The following DRC11 variants were observed in gnomAD, a reference collection of about 807,000 sequenced individuals.
DRC11 encodes the protein dynein regulatory complex subunit 11.
the DRC11 span, among the ~76,000 whole-genome samples, chr2:236,456,052 G>A: frequency 6.6e-6 from 1 of 152,160 alleles, no homozygotes; most frequent in African/African-American, 2.4e-5. This position sits in a 1 kb window ranked among gnomAD's most constrained non-coding sequence, Gnocchi z 5.4. Context: ...GCTGTGTACA[G>A]CTGTGAATAC....
the DRC11 span, among the ~76,000 whole-genome samples, chr2:236,437,416 C>A: frequency 6.6e-6 from 1 of 151,346 alleles, no homozygotes; most frequent in African/African-American, 2.4e-5. Flanking sequence ...GTGCATGTAT[C>A]TTTATAGCAG....
the DRC11 span, among the ~76,000 whole-genome samples, chr2:236,387,130 G>A: frequency 4.0e-5 from 6 of 151,784 alleles, no homozygotes; most frequent in Admixed American, 6.6e-5. Flanking sequence ...TGAAAAAAAT[G>A]TATATTCTGT....
At chr2:236,399,573 C>T in the DRC11 span, 1 of 1,099,370 alleles carries the variant, frequency 9.1e-7, no homozygotes, top group Non-Finnish European at 1.4e-6. This position sits in a 1 kb window ranked among gnomAD's most constrained non-coding sequence, Gnocchi z 7.0. Flanking sequence ...TGACGAGGGT[C>T]CATGCCGCGC....
At chr2:236,369,166 C>T in the DRC11 span, 5 of 152,192 alleles carry the variant, frequency 3.3e-5, no homozygotes, top group East Asian at 9.6e-4. The surrounding 1 kb of genome is among the most constrained non-coding windows in gnomAD (Gnocchi z 4.5). Context: ...TCCTGCAGAG[C>T]TTCGGATGCT....
the DRC11 span, chr2:236,493,721 A>T: frequency 1.4e-6 from 2 of 1,467,122 alleles, no homozygotes; most frequent in Non-Finnish European, 1.8e-6. Context: ...CAGAAAAAGG[A>T]AGTTACACAG....
At chr2:236,391,576 A>G in the DRC11 span, 76 of 195,152 alleles carry the variant, frequency 3.9e-4, no homozygotes, top group African/African-American at 1.6e-3. The surrounding 1 kb of genome is among the most constrained non-coding windows in gnomAD (Gnocchi z 4.5). Flanking sequence ...AATTCATCCA[A>G]TTCCTTTCCC....
chr2:236,363,764 G>C, the DRC11 span: 1 of 1,576,754 alleles, frequency 6.3e-7, no homozygotes, highest in Non-Finnish European at 8.7e-7. This position sits in a 1 kb window ranked among gnomAD's most constrained non-coding sequence, Gnocchi z 5.6. Flanking sequence ...TGGAAACCAA[G>C]AAATGTAATC....
the DRC11 span, among the ~76,000 whole-genome samples, chr2:236,360,365 T>C: frequency 6.6e-6 from 1 of 152,190 alleles, no homozygotes; most frequent in Admixed American, 6.6e-5. This position sits in a 1 kb window ranked among gnomAD's most constrained non-coding sequence, Gnocchi z 5.8. Flanking sequence ...TTGTAAGGAC[T>C]GAGTGAGTTA....
At chr2:236,474,192 A>G in the DRC11 span, among the ~76,000 whole-genome samples, 2 of 152,304 alleles carry the variant, frequency 1.3e-5, no homozygotes, top group African/African-American at 4.8e-5. Context: ...TAGAATATGT[A>G]ATGCCAAGTG....
the DRC11 span, among the ~76,000 whole-genome samples, chr2:236,349,247 A>G: frequency 1.3e-5 from 2 of 152,334 alleles, no homozygotes; most frequent in Admixed American, 6.5e-5. This position sits in a 1 kb window ranked among gnomAD's most constrained non-coding sequence, Gnocchi z 5.5. Flanking sequence ...GGAGGGGGCA[A>G]GCTCCAAGGG....
the DRC11 span, among the ~76,000 whole-genome samples, chr2:236,337,816 A>G: frequency 6.6e-6 from 1 of 152,084 alleles, no homozygotes; most frequent in African/African-American, 2.4e-5. This position sits in a 1 kb window ranked among gnomAD's most constrained non-coding sequence, Gnocchi z 4.9. Context: ...GGAAGAAAAA[A>G]AAAAAAACCC....
At chr2:236,392,531 T>A in the DRC11 span, 1 of 406,142 alleles carries the variant, frequency 2.5e-6, no homozygotes, top group Non-Finnish European at 4.3e-6. The surrounding 1 kb of genome is among the most constrained non-coding windows in gnomAD (Gnocchi z 5.1). Flanking sequence ...ATGAGATTCA[T>A]ATATGTGCTT....
At chr2:236,459,588 C>CGT in the DRC11 span, among the ~76,000 whole-genome samples, 424 of 138,544 alleles carry the variant, frequency 3.1e-3, 7 homozygotes, top group African/African-American at 0.011. Context: ...TACGTATATA[C>CGT]GTATACGTAT....
At chr2:236,357,200 A>G in the DRC11 span, among the ~76,000 whole-genome samples, 3 of 109,680 alleles carry the variant, frequency 2.7e-5, 1 homozygote, top group Admixed American at 3.3e-4. Flanking sequence ...TATATTATAA[A>G]TTATATTCAT....
the DRC11 span, among the ~76,000 whole-genome samples, chr2:236,339,753 T>C: frequency 6.6e-6 from 1 of 152,240 alleles, no homozygotes; most frequent in Non-Finnish European, 1.5e-5. Context: ...TCTGATCCAT[T>C]GATCTATGTC....
the DRC11 span, among the ~76,000 whole-genome samples, chr2:236,348,219 T>C: frequency 3.9e-5 from 6 of 152,206 alleles, no homozygotes; most frequent in East Asian, 1.2e-3. The surrounding 1 kb of genome is among the most constrained non-coding windows in gnomAD (Gnocchi z 7.4). Context: ...GTCTCTGAGC[T>C]GGCAATCCGG....
chr2:236,420,600 A>G, the DRC11 span, among the ~76,000 whole-genome samples: 1 of 152,070 alleles, frequency 6.6e-6, no homozygotes, highest in Non-Finnish European at 1.5e-5. The surrounding 1 kb of genome is among the most constrained non-coding windows in gnomAD (Gnocchi z 4.8). Flanking sequence ...TGCAAAAATG[A>G]TCTTTTCCCA....
chr2:236,460,824 G>A, the DRC11 span, among the ~76,000 whole-genome samples: 103 of 152,092 alleles, frequency 6.8e-4, no homozygotes, highest in Non-Finnish European at 1.3e-3. This position sits in a 1 kb window ranked among gnomAD's most constrained non-coding sequence, Gnocchi z 4.0. Flanking sequence ...GTGAATTCTC[G>A]GCTCACTGCA....
At chr2:236,481,820 T>C in the DRC11 span, among the ~76,000 whole-genome samples, 1 of 151,356 alleles carries the variant, frequency 6.6e-6, no homozygotes, top group African/African-American at 2.4e-5. Context: ...TTAGTTGAAA[T>C]CTATATACTT....
Sources: gnomAD v4.1 joint callset for allele counts (sites outside exome capture counted in the v4.1 genomes callset) on GRCh38, gnomAD v4.1.1 for gene constraint, Gnocchi (gnomAD v3.1) non-coding constraint, MANE v1.5 for transcripts, NCBI Gene and HGNC (gene_info 2026-07-23, HGNC 2026-07-21) for gene names.